Variants in HS3ST1 observed in about 807,000 individuals in gnomAD.
HS3ST1 encodes heparan sulfate glucosamine 3-O-sulfotransferase 1.
HS3ST1 carries 8 observed loss-of-function variants against 20.7 expected under a neutral mutation model. That is an observed-to-expected ratio of 0.39 (90% CI 0.23 to 0.70). The LOEUF (loss-of-function observed/expected upper bound fraction) is 0.70, where lower values mean the gene tolerates loss of function less well. Ranked by LOEUF, HS3ST1 falls within the 30% of genes least tolerant of loss-of-function variation. The pLI is 0.46. For missense variants in HS3ST1, 436 were observed against 423.4 expected (o/e 1.03, Z -0.26); for synonymous variants, 205 against 190.4 (o/e 1.08, Z -0.63).
At chr4:11,400,983 A>C (rs148748201) in intron 1 of HS3ST1, among the ~76,000 whole-genome samples, 1 of 152,224 alleles carries the variant, frequency 6.6e-6, no homozygotes, top group South Asian at 2.1e-4. Flanking sequence ...GTGAAGATGC[A>C]TGATTGTGGT....
At chr4:11,424,095 G>A (rs918226340) in intron 1 of HS3ST1, among the ~76,000 whole-genome samples, 2 of 143,406 alleles carry the variant, frequency 1.4e-5, no homozygotes, top group African/African-American at 5.2e-5. Context: ...CTGAAGTCCC[G>A]CCTGCAGCCC....
At position 11,399,304 on chromosome 4, in the gene HS3ST1, G is replaced by A. The variant is rs1222055704; in HGVS notation, c.702C>T (p.Phe234=). The stretch of plus-strand genomic sequence containing the variant: ...CATTGATCTGCGGCGACAGCTTTAG[G>A]AACCTCTCGACCTTTTGGATCTCAG... ...PFPEIQKVER[F]LKLSPQINAS... The change falls in exon 2 of 2, where the codon TTC becomes TTT. Residue 234 remains phenylalanine, a synonymous_variant. Transcript: ENST00000002596. This position sits in a 1 kb window ranked among gnomAD's most constrained non-coding sequence, Gnocchi z 5.1. 1 of 1,614,022 alleles carries A rather than the reference G, an allele frequency of 6.2e-7. No individual in the cohort carries two copies. The highest frequency in any genetic ancestry group is 8.5e-7 in the Non-Finnish European group (1 of 1,180,022).
intron 1 of HS3ST1, among the ~76,000 whole-genome samples, chr4:11,409,377 G>C (rs932231535): frequency 1.3e-5 from 2 of 152,160 alleles, no homozygotes; most frequent in African/African-American, 4.8e-5. Context: ...CTAACCCTCA[G>C]TGTGATGGTA....
intron 1 of HS3ST1, among the ~76,000 whole-genome samples, chr4:11,427,668 G>T (rs1719095353): frequency 6.6e-6 from 1 of 152,236 alleles, no homozygotes; most frequent in Non-Finnish European, 1.5e-5. Flanking sequence ...CTTGGCCCAA[G>T]AGAGCGCCCT....
At chr4:11,410,819 G>A (rs1718607453) in intron 1 of HS3ST1, among the ~76,000 whole-genome samples, 1 of 152,134 alleles carries the variant, frequency 6.6e-6, no homozygotes, top group Admixed American at 6.5e-5. Flanking sequence ...TTGAACCTGG[G>A]AGGCAGAGTT....
upstream of HS3ST1, among the ~76,000 whole-genome samples, chr4:11,430,144 AAC>A (rs1719176589): frequency 6.6e-6 from 1 of 152,192 alleles, no homozygotes; most frequent in African/African-American, 2.4e-5. Flanking sequence ...TTCAGAAAAC[AAC>A]ACAGTGACCA....
At chr4:11,414,309 G>GTT (rs1265798423) in intron 1 of HS3ST1, 1 of 152,086 alleles carries the variant, frequency 6.6e-6, no homozygotes, top group African/African-American at 2.4e-5. Flanking sequence ...TTGAGTGTGT[G>GTT]TGTGTGTGTA....
At chr4:11,426,001 T>G (rs1304427966) in intron 1 of HS3ST1, among the ~76,000 whole-genome samples, 1 of 152,176 alleles carries the variant, frequency 6.6e-6, no homozygotes, top group Non-Finnish European at 1.5e-5. Flanking sequence ...TGCATTTCCC[T>G]GGAAGCTGCT....
chr4:11,409,446 A>C (rs1163083938), intron 1 of HS3ST1, among the ~76,000 whole-genome samples: 1 of 152,110 alleles, frequency 6.6e-6, no homozygotes, highest in African/African-American at 2.4e-5. Context: ...GTGGGGCTCC[A>C]TTCTGACAAG....
chr4:11,417,600 ATAT>A (rs1179515376), intron 1 of HS3ST1, among the ~76,000 whole-genome samples: 1 of 152,148 alleles, frequency 6.6e-6, no homozygotes, highest in African/African-American at 2.4e-5. Context: ...TTAAACATTA[ATAT>A]TATGAGTAAT....
At chr4:11,401,315 G>A (rs538421279) in intron 1 of HS3ST1, among the ~76,000 whole-genome samples, 1 of 150,942 alleles carries the variant, frequency 6.6e-6, no homozygotes, top group Non-Finnish European at 1.5e-5. Context: ...ACCCTACACT[G>A]TAAGGTAGGA....
chr4:11,410,130 C>T (rs1315169793), intron 1 of HS3ST1, among the ~76,000 whole-genome samples: 1 of 152,206 alleles, frequency 6.6e-6, no homozygotes, highest in African/African-American at 2.4e-5. Context: ...GGTGATCACT[C>T]AAACTCTTAC....
upstream of HS3ST1, among the ~76,000 whole-genome samples, chr4:11,431,530 G>C (rs1428874612): frequency 6.6e-6 from 1 of 152,156 alleles, no homozygotes; most frequent in Non-Finnish European, 1.5e-5. Context: ...CAGTTACTAA[G>C]AGAGAGATGA....
chr4:11,403,211 G>C (rs1352429934), intron 1 of HS3ST1, among the ~76,000 whole-genome samples: 1 of 152,138 alleles, frequency 6.6e-6, no homozygotes, highest in African/African-American at 2.4e-5. Flanking sequence ...GTAAATGTAT[G>C]CACACATATA....
At chr4:11,433,214 A>G (rs187687905), upstream of HS3ST1, among the ~76,000 whole-genome samples, 77 of 152,282 alleles carry the variant, frequency 5.1e-4, no homozygotes, top group Admixed American at 2.2e-3. Context: ...ATTTTTGGGA[A>G]GCCCTCAAGG....
rs534164917 is a variant in HS3ST1 at position 11,399,171 on chromosome 4, G to A, written c.835C>T (p.Pro279Ser). 8 of 1,614,142 alleles carry A rather than the reference G, an allele frequency of 5.0e-6. No individual in the cohort carries two copies. The highest frequency in any genetic ancestry group is 6.8e-6 in the Non-Finnish European group (8 of 1,180,030). The change falls in exon 2 of 2, where the codon CCC becomes TCC. Residue 279 changes from proline (P) to serine (S), a missense_variant. Physicochemically the swap from Pro to Ser is moderately conservative, Grantham distance 74 (BLOSUM62 -1). Coordinates refer to ENST00000002596, the MANE Select transcript of HS3ST1 (RefSeq NM_005114.4). This position sits in a 1 kb window ranked among gnomAD's most constrained non-coding sequence, Gnocchi z 5.1. ...SKGRAHPQVD[P>S]KLLNKLHEYF... ...TCGTGCAGTTTATTGAGTAGTTTGG[G>A]ATCGACTTGGGGGTGCGCCCGGCCT...
chr4:11,398,806 C>CTTT lies in HS3ST1; in HGVS notation c.*273_*275dup. On this transcript the variant is annotated 3_prime_UTR_variant, in exon 2 of 2. Transcript: ENST00000002596. ...AAAACATAGCGTCTCCAGAAAAAATCTTTTTTTTTTTTTCAGTGAAATAGT... is the reference window on the plus strand; with the variant it reads ...AAAACATAGCGTCTCCAGAAAAAATCTTTTTTTTTTTTTTTTCAGTGAAATAGT... The CTTT allele has an allele frequency of 4.5e-6, 1 of 222,968 alleles. No homozygotes were observed. Among genetic ancestry groups the CTTT allele is most frequent in the East Asian group, 8.9e-5 (1 of 11,234 alleles). 13.8% of individuals were successfully genotyped at this position (222,968 alleles called of 1,614,324 possible).
chr4:11,418,329 C>T (rs1342203596), intron 1 of HS3ST1, among the ~76,000 whole-genome samples: 1 of 152,210 alleles, frequency 6.6e-6, no homozygotes, highest in Non-Finnish European at 1.5e-5. Context: ...TTAAGTGCAG[C>T]ATTATAGACA....
At position 11,399,286 on chromosome 4, in the gene HS3ST1, C is replaced by T; in HGVS notation, c.720G>A (p.Gln240=). The T allele has an allele frequency of 6.2e-7, 1 of 1,614,136 alleles. No individual in the cohort carries two copies. The highest frequency in any genetic ancestry group is 8.5e-7 in the Non-Finnish European group (1 of 1,180,018). ...TAAAGTAGAAGTTCGAAGCATTGAT[C>T]TGCGGCGACAGCTTTAGGAACCTCT... is the stretch of plus-strand genomic sequence containing the variant. ...KVERFLKLSP[Q]INASNFYFNK... The change falls in exon 2 of 2, where the codon CAG becomes CAA. Residue 240 remains glutamine (Q), a synonymous_variant. Coordinates refer to ENST00000002596, the MANE Select transcript of HS3ST1 (RefSeq NM_005114.4). This position sits in a 1 kb window ranked among gnomAD's most constrained non-coding sequence, Gnocchi z 5.1.
Sources: allele counts gnomAD v4.1 joint callset (sites outside exome capture counted in the v4.1 genomes callset), GRCh38; gene constraint gnomAD v4.1.1; non-coding constraint Gnocchi (gnomAD v3.1); transcripts MANE v1.5; gene names NCBI Gene and HGNC (gene_info 2026-07-23, HGNC 2026-07-21).